Variants in TMC1 observed in about 807,000 individuals in gnomAD.
TMC1 encodes the protein transmembrane channel like 1.
In TMC1, 84 loss-of-function variants were observed where a neutral mutation model predicts 105.8. The ratio of observed to expected loss-of-function variants is 0.79; its 90% CI spans 0.67 to 0.95. The LOEUF (loss-of-function observed/expected upper bound fraction) is 0.95, where lower values mean the gene tolerates loss of function less well. TMC1 is among the 40% of genes least tolerant of loss of function. The pLI is 0.00. For synonymous variants in TMC1, 315 were observed against 311.5 expected (o/e 1.01, Z -0.12); for missense variants, 817 against 914.1 (o/e 0.89, Z 1.37).
chr9:72,788,075 G>A, intron 13 of TMC1, among the ~76,000 whole-genome samples: 1 of 152,124 alleles, frequency 6.6e-6, no homozygotes, highest in South Asian at 2.1e-4. Flanking sequence ...ATAAAAATAT[G>A]TTTTTATATA....
At chr9:72,603,978 T>G (rs1824868714) in intron 2 of TMC1, among the ~76,000 whole-genome samples, 1 of 149,320 alleles carries the variant, frequency 6.7e-6, no homozygotes, top group Admixed American at 6.7e-5. Flanking sequence ...GCAATTCTCC[T>G]GCTTCAGCCT....
At chr9:72,632,786 T>C (rs1297774193) in intron 4 of TMC1, among the ~76,000 whole-genome samples, 13 of 152,182 alleles carry the variant, frequency 8.5e-5, no homozygotes, top group Admixed American at 8.5e-4. Flanking sequence ...AAATAAGTAC[T>C]CAGGCAGTAG....
intron 2 of TMC1, among the ~76,000 whole-genome samples, chr9:72,613,132 A>ATTT (rs10552822): frequency 4.3e-5 from 6 of 137,980 alleles, no homozygotes; most frequent in African/African-American, 1.6e-4. Flanking sequence ...CAGAAATGTG[A>ATTT]TTTTTTTTTT....
At chr9:72,743,368 C>CAAAAAAA (rs57505302) in intron 10 of TMC1, among the ~76,000 whole-genome samples, 10 of 110,096 alleles carry the variant, frequency 9.1e-5, no homozygotes, top group Non-Finnish European at 1.0e-4. Context: ...CTCCGTCTCA[C>CAAAAAAA]AAAAAAAAAA....
intron 1 of TMC1, among the ~76,000 whole-genome samples, chr9:72,549,999 C>T (rs1300659620): frequency 1.3e-5 from 2 of 151,654 alleles, no homozygotes; most frequent in African/African-American, 4.8e-5. Flanking sequence ...CCACCTACCT[C>T]GGCTTCCCAA....
chr9:72,617,121 C>T lies in TMC1; in HGVS notation c.-196+644C>T, dbSNP rs118011583. On this transcript the variant is annotated intron_variant, in intron 3 of 23. Transcript: ENST00000297784. ...TTTATTTCCTTTTGGATATGAAAAA[C>T]GCTTATGCAGTCCTGTATGTGGTCT... Among the ~76,000 whole-genome samples the T allele has an allele frequency of 8.0e-3, 1,211 of 152,026 alleles. 8 individuals carry two copies. Among genetic ancestry groups the T allele is most frequent in the Non-Finnish European group, 0.013 (867 of 67,996 alleles).
intron 2 of TMC1, among the ~76,000 whole-genome samples, chr9:72,606,091 A>G (rs903698461): frequency 2.0e-5 from 3 of 152,170 alleles, no homozygotes; most frequent in African/African-American, 7.2e-5. Flanking sequence ...TTTAGCCCAT[A>G]GACACCTGTC....
At chr9:72,835,546 A>G (rs1380473518) in intron 23 of TMC1, among the ~76,000 whole-genome samples, 11 of 152,222 alleles carry the variant, frequency 7.2e-5, no homozygotes, top group Admixed American at 6.5e-5. Flanking sequence ...TGATAATATA[A>G]TGCTATAGCA....
intron 18 of TMC1, among the ~76,000 whole-genome samples, chr9:72,807,768 CAA>C (rs1385332329): frequency 6.6e-6 from 1 of 152,200 alleles, no homozygotes; most frequent in African/African-American, 2.4e-5. Context: ...GAGACACACA[CAA>C]GAGGCTGCAG....
chr9:72,800,496 TA>T (rs939789939), intron 17 of TMC1, among the ~76,000 whole-genome samples: 1 of 152,150 alleles, frequency 6.6e-6, no homozygotes, highest in Non-Finnish European at 1.5e-5. Flanking sequence ...ATGGATTAAT[TA>T]GATAGGAATG....
At chr9:72,635,578 A>C (rs778971269) in intron 4 of TMC1, among the ~76,000 whole-genome samples, 3 of 152,232 alleles carry the variant, frequency 2.0e-5, no homozygotes, top group African/African-American at 7.2e-5. Context: ...AAATCACACT[A>C]TCTCACATTA....
chr9:72,680,797 G>A (rs962518138), intron 5 of TMC1, among the ~76,000 whole-genome samples: 2 of 152,114 alleles, frequency 1.3e-5, no homozygotes, highest in African/African-American at 4.8e-5. Flanking sequence ...CATCTCTAAT[G>A]TGAACAAAAG....
intron 13 of TMC1, among the ~76,000 whole-genome samples, chr9:72,782,029 A>G (rs1004574819): frequency 3.3e-5 from 5 of 152,214 alleles, no homozygotes; most frequent in African/African-American, 1.2e-4. Flanking sequence ...CTTCAGGCCA[A>G]TATCCTTGAT....
At chr9:72,773,984 A>G (rs1564545490) in intron 13 of TMC1, among the ~76,000 whole-genome samples, 1 of 152,242 alleles carries the variant, frequency 6.6e-6, no homozygotes, top group African/African-American at 2.4e-5. Flanking sequence ...CACTTAGAAT[A>G]TGCCTGGATG....
intron 19 of TMC1, 47 bp from the exon 20 acceptor site, chr9:72,820,795 T>C (rs1334729951): frequency 6.2e-7 from 1 of 1,612,218 alleles, no homozygotes; most frequent in South Asian, 1.1e-5. Flanking sequence ...GTGACTTTGT[T>C]ATGGAGTAAA....
chr9:72,715,797 C>T (rs370415107), intron 8 of TMC1, among the ~76,000 whole-genome samples: 4 of 152,062 alleles, frequency 2.6e-5, no homozygotes, highest in Admixed American at 6.5e-5. Context: ...CAGTTTTGTT[C>T]GCTTGCTGGC....
chr9:72,701,591 T>C (rs2117872598), intron 8 of TMC1, among the ~76,000 whole-genome samples: 1 of 152,294 alleles, frequency 6.6e-6, no homozygotes, highest in South Asian at 2.1e-4. Context: ...AGTAATGCTG[T>C]AAAAATGATA....
At chr9:72,660,974 C>A (rs1825961707) in intron 5 of TMC1, among the ~76,000 whole-genome samples, 1 of 152,106 alleles carries the variant, frequency 6.6e-6, no homozygotes, top group Non-Finnish European at 1.5e-5. Flanking sequence ...CACAGTTAAA[C>A]CCTGTCTCTA....
At chr9:72,685,251 C>T (rs549999308) in intron 5 of TMC1, among the ~76,000 whole-genome samples, 14 of 151,498 alleles carry the variant, frequency 9.2e-5, no homozygotes, top group Admixed American at 2.0e-4. Context: ...GGACTACAGG[C>T]GCCCACCACC....
Sources: allele counts gnomAD v4.1 joint callset (sites outside exome capture counted in the v4.1 genomes callset), GRCh38; gene constraint gnomAD v4.1.1; transcripts MANE v1.5; gene names NCBI Gene and HGNC (gene_info 2026-07-23, HGNC 2026-07-21).